CEP63: variants seen among roughly 807,000 people sequenced by gnomAD.
CEP63 encodes the protein centrosomal protein of 63 kDa.
In CEP63, 84 loss-of-function variants were observed where a neutral mutation model predicts 89.1. That is an observed-to-expected ratio of 0.94 (90% CI 0.79 to 1.13). The LOEUF is 1.13. Ranked by LOEUF, CEP63 falls within the 50% of genes most tolerant of loss-of-function variation. The probability of loss-of-function intolerance (pLI) is 0.00; values close to 1 mark genes in which losing one functional copy is unlikely to be tolerated. For missense variants in CEP63, 838 were observed against 813.3 expected (o/e 1.03, Z -0.37); for synonymous variants, 267 against 272.5 (o/e 0.98, Z 0.20).
chr3:134,552,645 G>GTATTATTAT (rs138436362), intron 12 of CEP63: 139 of 151,106 alleles, frequency 9.2e-4, no homozygotes, highest in Middle Eastern at 3.5e-3. Context: ...CTAGATGGTG[G>GTATTATTAT]TATTATTATT....
downstream of CEP63, among the ~76,000 whole-genome samples, chr3:134,567,991 C>T (rs1183758758): frequency 3.3e-5 from 5 of 152,246 alleles, no homozygotes; most frequent in Non-Finnish European, 7.3e-5. Context: ...TCTCTACAAG[C>T]ATGACTGGGC....
chr3:134,632,798 A>G, the CEP63 span, among the ~76,000 whole-genome samples: 1 of 152,026 alleles, frequency 6.6e-6, no homozygotes, highest in South Asian at 2.1e-4. Context: ...AGAATAATCA[A>G]TGAAACTAAA....
the CEP63 span, among the ~76,000 whole-genome samples, chr3:134,728,569 G>C: frequency 6.6e-6 from 1 of 152,134 alleles, no homozygotes; most frequent in African/African-American, 2.4e-5. Flanking sequence ...AGATACAGGG[G>C]ACACAAAGAT....
chr3:134,616,556 A>T, the CEP63 span, among the ~76,000 whole-genome samples: 6 of 152,206 alleles, frequency 3.9e-5, no homozygotes, highest in African/African-American at 1.4e-4. Context: ...AATTCAGGGG[A>T]CCGTGAGCTA....
rs1016277074 is a variant in CEP63, at chr3:134,504,641, A to G, written c.45-2468A>G. Among the ~76,000 whole-genome samples, 8 of 152,164 alleles carry G rather than the reference A, an allele frequency of 5.3e-5. No homozygotes were observed. In the East Asian group the frequency reaches 5.8e-4, roughly 11 times the overall value. On this transcript the variant is annotated intron_variant, in intron 2 of 14. Transcript: ENST00000675561. The stretch of plus-strand genomic sequence containing the variant: ...TTGAGCTTCCTTTATTTGGATATCT[A>G]TATCTTTTGCAAGAATTGGGAAGTT...
At chr3:134,580,777 A>G (rs1958328092) in intron 10 of CEP63, among the ~76,000 whole-genome samples, 1 of 152,256 alleles carries the variant, frequency 6.6e-6, no homozygotes. Flanking sequence ...AGAGTTCACC[A>G]CATGTGAACG....
chr3:134,487,211 G>A (rs1177086097), intron 1 of CEP63, among the ~76,000 whole-genome samples: 1 of 152,184 alleles, frequency 6.6e-6, no homozygotes, highest in African/African-American at 2.4e-5. Context: ...ATTTCTGTTA[G>A]CTGTAGCTTA....
At chr3:134,520,613 G>A (rs1224196637) in intron 3 of CEP63, among the ~76,000 whole-genome samples, 1 of 152,194 alleles carries the variant, frequency 6.6e-6, no homozygotes, top group Non-Finnish European at 1.5e-5. Context: ...TTAAGGTGGA[G>A]CACTTAGGGT....
Position 134,547,378 on chromosome 3 carries a change from G to T in CEP63, c.973G>T (p.Gly325Trp). 1 of 1,613,672 alleles carries T rather than the reference G, an allele frequency of 6.2e-7. No individual in the cohort carries two copies. Among genetic ancestry groups the T allele is most frequent in the Non-Finnish European group, 8.5e-7 (1 of 1,179,684 alleles). Residue 325 changes from glycine to tryptophan, a missense_variant, in exon 9 of 15, where the codon GGG becomes TGG. Physicochemically the swap from Gly to Trp is radical, Grantham distance 184. Coordinates refer to ENST00000675561, the MANE Select transcript of CEP63 (RefSeq NM_001353108.3). ...GGCAGAAAAGAAGTACACCTCTCAA[G>T]GGCAGGGGGACTTAGACAGTGTGCT... is the stretch of plus-strand genomic sequence containing the variant. Reference protein sequence around the residue: ...SLAEKKYTSQGQGDLDSVLSQ... With the variant: ...SLAEKKYTSQWQGDLDSVLSQ...
At chr3:134,619,777 T>C in the CEP63 span, among the ~76,000 whole-genome samples, 1 of 152,180 alleles carries the variant, frequency 6.6e-6, no homozygotes, top group East Asian at 1.9e-4. Context: ...TCTGTAGCTA[T>C]TGAGGACCCA....
intron 5 of CEP63, among the ~76,000 whole-genome samples, chr3:134,534,395 T>C (rs1950402882): frequency 6.6e-6 from 1 of 152,186 alleles, no homozygotes; most frequent in African/African-American, 2.4e-5. Context: ...CATTCAATTA[T>C]CAGACTACCA....
the CEP63 span, chr3:134,615,439 G>A: frequency 6.6e-6 from 1 of 150,564 alleles, no homozygotes; most frequent in African/African-American, 2.4e-5. Flanking sequence ...AGCTGACATG[G>A]TAAGTTAATT....
chr3:134,525,859 G>A lies in CEP63; in HGVS notation c.223-5986G>A, dbSNP rs183607175. ...GACCTGATCTTTCTCTCTGGCTGCC[G>A]TTAACATTTTTTTCCTTAGTTTCAA... On this transcript the variant is annotated intron_variant, in intron 3 of 14. Coordinates refer to ENST00000675561, the MANE Select transcript of CEP63 (RefSeq NM_001353108.3). Among the ~76,000 whole-genome samples, 105 of 152,218 alleles carry A rather than the reference G, an allele frequency of 6.9e-4. 1 individual carries two copies. Among genetic ancestry groups the A allele is most frequent in the Admixed American group, 4.2e-3 (64 of 15,286 alleles).
chr3:134,712,260 T>C, the CEP63 span, among the ~76,000 whole-genome samples: 1 of 152,178 alleles, frequency 6.6e-6, no homozygotes, highest in Non-Finnish European at 1.5e-5. Flanking sequence ...TCCTGGGAAA[T>C]ATCCTTGTAT....
At chr3:134,644,958 G>T in the CEP63 span, among the ~76,000 whole-genome samples, 1 of 152,258 alleles carries the variant, frequency 6.6e-6, no homozygotes, top group African/African-American at 2.4e-5. Context: ...GGCGAGGAAA[G>T]GGAGGCCAGG....
At chr3:134,770,861 C>T in the CEP63 span, among the ~76,000 whole-genome samples, 1 of 152,208 alleles carries the variant, frequency 6.6e-6, no homozygotes, top group Non-Finnish European at 1.5e-5. Context: ...GCCTTAATCA[C>T]TAGTGCATAT....
In CEP63 at chr3:134,517,195, G is replaced by T. The variant is rs1356320191; in HGVS notation, c.222+9909G>T. On this transcript the variant is annotated intron_variant, in intron 3 of 14. Transcript: ENST00000675561. Reference sequence around the variant, plus strand: ...CTGTGTCCTCACTGTGCTTTCTGGGGTCACCTCCAGTTGCCCTGAAGTCCA... The same window carrying T: ...CTGTGTCCTCACTGTGCTTTCTGGGTTCACCTCCAGTTGCCCTGAAGTCCA... Among the ~76,000 whole-genome samples the T allele has an allele frequency of 5.9e-5, 9 of 152,164 alleles. No individual in the cohort carries two copies. In the East Asian group the frequency reaches 1.4e-3, roughly 23 times the overall value.
At chr3:134,708,738 A>T in the CEP63 span, among the ~76,000 whole-genome samples, 1 of 152,164 alleles carries the variant, frequency 6.6e-6, no homozygotes, top group Non-Finnish European at 1.5e-5. Context: ...TTTTGCCCCC[A>T]AATGATAAAG....
chr3:134,676,299 A>T, the CEP63 span, among the ~76,000 whole-genome samples: 1 of 152,252 alleles, frequency 6.6e-6, no homozygotes, highest in Non-Finnish European at 1.5e-5. Context: ...ACCTTGAAAA[A>T]AATCATGCTG....
Sources: allele counts gnomAD v4.1 joint callset (sites outside exome capture counted in the v4.1 genomes callset), GRCh38; gene constraint gnomAD v4.1.1; transcripts MANE v1.5; gene names NCBI Gene and HGNC (gene_info 2026-07-23, HGNC 2026-07-21).